Variants in HPGD observed in about 807,000 individuals in gnomAD.
HPGD encodes 15-hydroxyprostaglandin dehydrogenase [NAD(+)].
Under a neutral mutation model 30.0 loss-of-function variants are expected in HPGD, and 29 were observed. The observed-to-expected ratio is 0.97, with a 90% confidence interval of 0.72 to 1.32. The LOEUF is 1.32. Among genes scored for constraint, HPGD ranks in the 40% most tolerant of loss-of-function variants. HPGD has a pLI of 0.00. For missense variants in HPGD, 340 were observed against 322.1 expected, an observed-to-expected ratio of 1.06 and a Z score of -0.43; for synonymous variants, 99 against 112.4, an observed-to-expected ratio of 0.88 and a Z score of 0.75.
At chr4:174,516,688 C>T (rs45624235) in intron 3 of HPGD, among the ~76,000 whole-genome samples, 6,165 of 152,164 alleles carry the variant, frequency 0.041, 179 homozygotes, top group Non-Finnish European at 0.062. Context: ...ATTTAAAAAA[C>T]TAAAAGAAAA....
chr4:174,497,564 C>T (rs139810202), intron 4 of HPGD, among the ~76,000 whole-genome samples: 39 of 14,224 alleles, frequency 2.7e-3, no homozygotes, highest in Admixed American at 4.1e-3. Context: ...CTTTCTTTTT[C>T]TTTCTTTTTT....
At position 174,518,782 on chromosome 4, in the gene HPGD, C is replaced by T. The variant is rs1258551307; in HGVS notation, c.218-705G>A. Reference sequence around the variant, plus strand: ...ATAAAGTTGGCATGGATTCTGAGGCCTGAATGTCTTTCATTACACTGTCCA... The same window carrying T: ...ATAAAGTTGGCATGGATTCTGAGGCTTGAATGTCTTTCATTACACTGTCCA... On this transcript the variant is annotated intron_variant, in intron 2 of 6. Transcript: ENST00000296522. 2.0e-5 allele frequency among the ~76,000 whole-genome samples: 3 copies of T among 152,094 alleles called. No individual in the cohort carries two copies. The East Asian group carries it at 5.8e-4, about 29-fold the overall frequency.
At chr4:174,495,356 C>G (rs1734542252) in intron 5 of HPGD, 192 bp downstream of exon 5, 2 of 606,334 alleles carry the variant, frequency 3.3e-6, no homozygotes, top group Non-Finnish European at 5.9e-6. Context: ...TTAGAATCCA[C>G]TTCATTTAAA....
chr4:174,497,506 CTGCTATTCTGCAAAA>C (rs1734653209), intron 4 of HPGD, among the ~76,000 whole-genome samples: 2 of 149,300 alleles, frequency 1.3e-5, no homozygotes, highest in South Asian at 4.2e-4. Context: ...CACATTTTCA[CTGCTATTCTGCAAAA>C]TGTTTACCCT....
chr4:174,505,623 G>A (rs1735148675), intron 4 of HPGD, among the ~76,000 whole-genome samples: 3 of 151,638 alleles, frequency 2.0e-5, no homozygotes, highest in Admixed American at 2.0e-4. Context: ...CTCTCCGTTG[G>A]TGGATAAAAT....
intron 3 of HPGD, among the ~76,000 whole-genome samples, chr4:174,517,302 C>T (rs1013085619): frequency 6.6e-6 from 1 of 152,252 alleles, no homozygotes; most frequent in Non-Finnish European, 1.5e-5. Context: ...ACACGAACCA[C>T]GAACTTTCAG....
rs1191095240 is a variant in HPGD at position 174,518,056 on chromosome 4, T to C, written c.239A>G (p.Asp80Gly). 2.5e-6 allele frequency: 4 copies of C among 1,585,396 alleles called. No homozygotes were observed. The Admixed American group carries it at 5.0e-5, about 20-fold the overall frequency. Residue 80 changes from aspartate to glycine, a missense_variant, in exon 3 of 7, where the codon GAC becomes GGC. Physicochemically the swap from Asp to Gly is moderately conservative, Grantham distance 94 (BLOSUM62 -1). Coordinates refer to ENST00000296522, the MANE Select transcript of HPGD (RefSeq NM_000860.6). ...QLRDTFRKVV[D>G]HFGRLDILVN... ...CAAAATGTCCAGTCTTCCAAAGTGG[T>C]CTACAACTTTTCTAAAAGTGTCTAA...
intron 3 of HPGD, among the ~76,000 whole-genome samples, chr4:174,510,128 A>AACCTC (rs1187562935): frequency 1.3e-5 from 2 of 152,180 alleles, no homozygotes; most frequent in African/African-American, 4.8e-5. Flanking sequence ...TTACACATGT[A>AACCTC]CTTACCTTCT....
chr4:174,508,875 T>G (rs924295976), intron 3 of HPGD, 83 bp from the exon 4 acceptor site: 10 of 786,740 alleles, frequency 1.3e-5, no homozygotes, highest in Non-Finnish European at 2.1e-5. Flanking sequence ...TTATAGCTAT[T>G]CCAGATACCT....
chr4:174,502,522 C>CA lies in HPGD; in HGVS notation c.421+6173dup, dbSNP rs45448296. Among the ~76,000 whole-genome samples the CA allele has an allele frequency of 4.1e-3, 627 of 151,960 alleles. 3 individuals are homozygous for CA. Among genetic ancestry groups the CA allele is most frequent in the Non-Finnish European group, 5.7e-3 (384 of 67,918 alleles). On this transcript the variant is annotated intron_variant, in intron 4 of 6. Coordinates refer to ENST00000296522, the MANE Select transcript of HPGD (RefSeq NM_000860.6). Reference sequence around the variant, plus strand: ...TGAAACCCCGTCTCTACTAAAAATACAAAAAATTAGCCAGGCGTGGTGGCG... The same window carrying CA: ...TGAAACCCCGTCTCTACTAAAAATACAAAAAAATTAGCCAGGCGTGGTGGCG...
At chr4:174,511,597 GTGTTGATAGTTT>G (rs1446605011) in intron 3 of HPGD, among the ~76,000 whole-genome samples, 1 of 152,182 alleles carries the variant, frequency 6.6e-6, no homozygotes, top group Non-Finnish European at 1.5e-5. Flanking sequence ...GCCAGCATGA[GTGTTGATAGTTT>G]TGCAAAGACT....
In HPGD at chr4:174,504,847, AAACAAACG is replaced by A. The variant is rs1434852750; in HGVS notation, c.421+3841_421+3848del. Among the ~76,000 whole-genome samples, 7 of 129,402 alleles carry A rather than the reference AAACAAACG, an allele frequency of 5.4e-5. No individual in the cohort carries two copies. The East Asian group carries it at 1.5e-3, about 28-fold the overall frequency. 84.9% of individuals were successfully genotyped at this position (129,402 alleles called of 152,430 possible). A position where few individuals can be genotyped will look rare whatever the true frequency, so the allele number is the denominator to read the frequency against. ...CAAACAAACAAACAAACAAACAAAC[AAACAAACG>A]GAGTGCATTTGACTCATGAGATGTT... is the stretch of plus-strand genomic sequence containing the variant. On this transcript the variant is annotated intron_variant, in intron 4 of 6. Transcript: ENST00000296522.
intron 4 of HPGD, among the ~76,000 whole-genome samples, chr4:174,500,689 G>A (rs1284507674): frequency 6.6e-6 from 1 of 152,196 alleles, no homozygotes; most frequent in Non-Finnish European, 1.5e-5. Flanking sequence ...TCTGGAAAAG[G>A]CAAAACTATG....
rs1323704156 is a variant in HPGD, at chr4:174,492,677, A to G, written c.662+474T>C. ...AGTGGTAGAGCCAAGATTTGATCTC[A>G]GGTCTGATTCCTTCAACATGATAAC... On this transcript the variant is annotated intron_variant, in intron 6 of 6. Transcript: ENST00000296522. The surrounding 1 kb of genome is among the most constrained non-coding windows in gnomAD (Gnocchi z 4.9). Among the ~76,000 whole-genome samples, 1 of 152,060 alleles carries G rather than the reference A, an allele frequency of 6.6e-6. No individual in the cohort carries two copies.
At chr4:174,509,798 T>C (rs183812939) in intron 3 of HPGD, among the ~76,000 whole-genome samples, 1 of 152,262 alleles carries the variant, frequency 6.6e-6, no homozygotes, top group East Asian at 1.9e-4. Context: ...TTTAGTAATG[T>C]CTATAACTAA....
At chr4:174,504,859 T>C (rs1315878781) in intron 4 of HPGD, among the ~76,000 whole-genome samples, 1 of 150,462 alleles carries the variant, frequency 6.6e-6, no homozygotes, top group Non-Finnish European at 1.5e-5. Context: ...ACAAACGGAG[T>C]GCATTTGACT....
Position 174,522,061 on chromosome 4 carries a change from G to A in HPGD, c.100C>T (p.Leu34=), listed in dbSNP as rs773349136. 2.5e-6 allele frequency: 4 copies of A among 1,614,190 alleles called. No individual in the cohort carries two copies. The highest frequency in any genetic ancestry group is 3.4e-6 in the Non-Finnish European group (4 of 1,180,040). ...ALLLKGAKVA[L]VDWNLEAGVQ... ...CCTGCTTCAAGATTCCAATCCACCA[G>A]CGCTACCTATAGACAAGAGGAGAGG... The change falls in exon 2 of 7, where the codon CTG becomes TTG. Residue 34 remains leucine, a synonymous_variant. Transcript: ENST00000296522.
Position 174,493,166 on chromosome 4 carries a change from T to C in HPGD, c.647A>G (p.Tyr216Cys). 1 of 1,594,990 alleles carries C rather than the reference T, an allele frequency of 6.3e-7. No individual in the cohort carries two copies. Among genetic ancestry groups the C allele is most frequent in the South Asian group, 1.1e-5 (1 of 90,224 alleles). ...YKDHIKDMIKYYGILDPPLIA... is the reference protein window; with the variant it reads ...YKDHIKDMIKCYGILDPPLIA... ...TTTTACTTACTCCAAAATTCCATAGTATTTAATCATATCCTTGATATGATC... is the reference window on the plus strand; with the variant it reads ...TTTTACTTACTCCAAAATTCCATAGCATTTAATCATATCCTTGATATGATC... Residue 216 changes from tyrosine (Y) to cysteine (C), a missense_variant, in exon 6 of 7, where the codon TAC becomes TGC. By Grantham distance (194) the Tyr-to-Cys change is radical. Transcript: ENST00000296522.
At chr4:174,520,781 TATC>T (rs1736062577) in intron 2 of HPGD, among the ~76,000 whole-genome samples, 1 of 152,242 alleles carries the variant, frequency 6.6e-6, no homozygotes, top group South Asian at 2.1e-4. Context: ...TGATCCAAAA[TATC>T]ATGTGCAATC....
Sources: allele counts gnomAD v4.1 joint callset (sites outside exome capture counted in the v4.1 genomes callset), GRCh38; gene constraint gnomAD v4.1.1; non-coding constraint Gnocchi (gnomAD v3.1); transcripts MANE v1.5; gene names NCBI Gene and HGNC (gene_info 2026-07-23, HGNC 2026-07-21).